NEBL: variants seen among roughly 807,000 people sequenced by gnomAD.
The protein encoded by NEBL is LIM and SH3 protein 2.
NEBL carries 122 observed loss-of-function variants against 140.2 expected under a neutral mutation model. The ratio of observed to expected loss-of-function variants is 0.87; its 90% confidence interval spans 0.75 to 1.01. The LOEUF (loss-of-function observed/expected upper bound fraction) is 1.01. Ranked by LOEUF, NEBL falls within the 50% of genes least tolerant of loss-of-function variation. NEBL has a pLI of 0.00. For synonymous variants in NEBL, 436 were observed against 398.9 expected (o/e 1.09, Z -1.11); for missense variants, 1,365 against 1,231.3 (o/e 1.11, Z -1.62).
At chr10:21,253,898 A>G (rs1454106300) in intron 1 of NEBL, among the ~76,000 whole-genome samples, 2 of 152,104 alleles carry the variant, frequency 1.3e-5, no homozygotes, top group African/African-American at 2.4e-5. Context: ...GTCATTGTCA[A>G]TGAGATCACT....
intron 1 of NEBL, among the ~76,000 whole-genome samples, chr10:21,280,798 A>G (rs939632158): frequency 6.6e-6 from 1 of 151,776 alleles, no homozygotes; most frequent in Non-Finnish European, 1.5e-5. Context: ...TATTTTTAGT[A>G]GAGACAGGGT....
intron 2 of NEBL, among the ~76,000 whole-genome samples, chr10:21,052,613 A>T (rs1252084057): frequency 1.3e-5 from 2 of 152,242 alleles, no homozygotes; most frequent in African/African-American, 2.4e-5. Flanking sequence ...TATATAGAGC[A>T]AAGTCTGTAG....
intron 2 of NEBL, among the ~76,000 whole-genome samples, chr10:21,084,798 C>G (rs1836548971): frequency 6.6e-6 from 1 of 152,088 alleles, no homozygotes; most frequent in Non-Finnish European, 1.5e-5. Flanking sequence ...AGCCAAAGCA[C>G]AGGGGCATAC....
At position 20,785,892 on chromosome 10, in the gene NEBL, G is replaced by C. The variant is rs1387133065; in HGVS notation, c.2900C>G (p.Ala967Gly). The change falls in exon 28 of 28, where the codon GCC (alanine) becomes GGC (glycine). Residue 967 changes from alanine (A) to glycine (G), a missense_variant. By Grantham distance (60) the Ala-to-Gly change is moderately conservative (BLOSUM62 0). Around this residue, in one of 2 missense-constraint regions of NEBL, gnomAD observed 42 missense variants for 76.5 expected, o/e 0.55. Transcript: ENST00000377122. ...AAAGGAGACCTCGTCTTCATCCTGG[G>C]CACTGTAATCGTACATGGCTCGGTA... ...RTYRAMYDYS[A>G]QDEDEVSFRD... 3 of 1,613,872 alleles carry C rather than the reference G, an allele frequency of 1.9e-6. No homozygotes were observed. Among genetic ancestry groups the C allele is most frequent in the Non-Finnish European group, 2.5e-6 (3 of 1,179,950 alleles).
At chr10:21,063,463 T>G (rs1473674840) in intron 2 of NEBL, among the ~76,000 whole-genome samples, 1 of 152,206 alleles carries the variant, frequency 6.6e-6, no homozygotes, top group Non-Finnish European at 1.5e-5. Flanking sequence ...ATAAACAACA[T>G]GGAGCTGAAA....
chr10:21,265,730 A>G (rs1212970201), intron 1 of NEBL, among the ~76,000 whole-genome samples: 2 of 152,246 alleles, frequency 1.3e-5, no homozygotes, highest in Non-Finnish European at 2.9e-5. Flanking sequence ...AAGCCCAGAC[A>G]GTAAATATTT....
chr10:21,180,814 G>A (rs956802522), intron 3 of NEBL, among the ~76,000 whole-genome samples: 25 of 152,070 alleles, frequency 1.6e-4, no homozygotes, highest in African/African-American at 5.8e-4. Flanking sequence ...GGTTGGTTTT[G>A]TAATGATAAG....
intron 4 of NEBL, among the ~76,000 whole-genome samples, chr10:20,930,112 C>T (rs374108482): frequency 3.1e-4 from 47 of 152,176 alleles, no homozygotes; most frequent in Middle Eastern, 3.4e-3. Flanking sequence ...GTAGAGAGAA[C>T]AGCTTAACGG....
chr10:21,169,929 C>T (rs915956735), intron 2 of NEBL, among the ~76,000 whole-genome samples: 8 of 152,208 alleles, frequency 5.3e-5, no homozygotes, highest in South Asian at 2.1e-4. Context: ...AACAAAACAA[C>T]GGGATGTTTC....
intron 3 of NEBL, among the ~76,000 whole-genome samples, chr10:20,984,480 G>A (rs745425322): frequency 2.0e-5 from 3 of 152,130 alleles, no homozygotes; most frequent in African/African-American, 4.8e-5. Context: ...TCTGACACAT[G>A]AGAGGACCTT....
intron 1 of NEBL, among the ~76,000 whole-genome samples, chr10:21,252,250 C>T (rs1248151679): frequency 6.6e-6 from 1 of 152,220 alleles, no homozygotes; most frequent in Admixed American, 6.5e-5. Context: ...CTAACACTTA[C>T]CATTGATTCT....
intron 3 of NEBL, among the ~76,000 whole-genome samples, chr10:20,889,219 A>T (rs1402291982): frequency 6.6e-6 from 1 of 152,216 alleles, no homozygotes; most frequent in Non-Finnish European, 1.5e-5. Context: ...ATGCCTCACC[A>T]CAGAAATCAT....
At chr10:20,929,537 A>C (rs978239499) in intron 4 of NEBL, among the ~76,000 whole-genome samples, 1 of 152,232 alleles carries the variant, frequency 6.6e-6, no homozygotes, top group African/African-American at 2.4e-5. Context: ...CCTTGCATCT[A>C]TGTATACATA....
chr10:20,923,663 T>A, intron 4 of NEBL, among the ~76,000 whole-genome samples: 2 of 8,342 alleles, frequency 2.4e-4, no homozygotes, highest in African/African-American at 5.1e-4. Context: ...CAAGACTCCG[T>A]CTCAAAAAAA....
intron 4 of NEBL, among the ~76,000 whole-genome samples, chr10:20,938,874 G>A (rs1834667420): frequency 6.6e-6 from 1 of 152,130 alleles, no homozygotes. Flanking sequence ...GAAGCAAGAA[G>A]AGAAGTTTAG....
At chr10:20,935,700 A>G (rs1229712234) in intron 4 of NEBL, among the ~76,000 whole-genome samples, 1 of 152,248 alleles carries the variant, frequency 6.6e-6, no homozygotes, top group Non-Finnish European at 1.5e-5. Flanking sequence ...AATAATCTTG[A>G]TGCTTATCAC....
intron 3 of NEBL, among the ~76,000 whole-genome samples, chr10:21,016,431 T>G (rs1838558291): frequency 6.6e-6 from 1 of 152,144 alleles, no homozygotes; most frequent in African/African-American, 2.4e-5. Context: ...TATAACCCTC[T>G]CAGGAAGAGA....
At position 20,850,406 on chromosome 10, in the gene NEBL, T is replaced by C; in HGVS notation, c.1105A>G (p.Met369Val). 1 of 1,604,068 alleles carries C rather than the reference T, an allele frequency of 6.2e-7. No homozygotes were observed. The highest frequency in any genetic ancestry group is 2.2e-5 in the East Asian group (1 of 44,798). Residue 369 changes from methionine to valine, a missense_variant, in exon 11 of 28, where the codon ATG becomes GTG. Physicochemically the swap from Met to Val is conservative, Grantham distance 21 (BLOSUM62 1). Around this residue, in one of 2 missense-constraint regions of NEBL, gnomAD observed 1,323 missense variants for 1,154.8 expected, o/e 1.15. Coordinates refer to ENST00000377122, the MANE Select transcript of NEBL (RefSeq NM_006393.3). ...SYQASKEAQK[M>V]QSEKVYKEDF... is the part of the protein sequence containing the mutation. Reference sequence around the variant, plus strand: ...ACTAATTGACCTACTTCACTTTGCATCTTTTGAGCCTCCTTTGAAGCTTGA... The same window carrying C: ...ACTAATTGACCTACTTCACTTTGCACCTTTTGAGCCTCCTTTGAAGCTTGA...
chr10:20,840,614 G>C, intron 13 of NEBL, 125 bp downstream of exon 13: 1 of 712,680 alleles, frequency 1.4e-6, no homozygotes, highest in South Asian at 1.6e-5. Context: ...AGACTACAAG[G>C]ATATAGCTGT....
Sources: allele counts gnomAD v4.1 joint callset (sites outside exome capture counted in the v4.1 genomes callset), GRCh38; gene constraint gnomAD v4.1.1; regional missense constraint gnomAD v4.1.1; transcripts MANE v1.5; gene names NCBI Gene and HGNC (gene_info 2026-07-23, HGNC 2026-07-21).